The following ANK3 variants were observed in gnomAD, a reference collection of about 807,000 sequenced individuals.
The protein encoded by ANK3 is ankyrin 3.
In ANK3, 57 loss-of-function variants were observed where a neutral mutation model predicts 370.9. That is an observed-to-expected ratio of 0.15 (90% CI 0.12 to 0.19). The LOEUF is 0.19. Ranked by LOEUF, ANK3 falls within the 10% of genes least tolerant of loss-of-function variation. ANK3 has a pLI of 1.00. For missense variants in ANK3, 4,439 were observed against 5,302.1 expected, an observed-to-expected ratio of 0.84 and a Z score of 5.06; for synonymous variants, 1,929 against 1,946.3, an observed-to-expected ratio of 0.99 and a Z score of 0.23.
intron 2 of ANK3, among the ~76,000 whole-genome samples, chr10:60,449,990 A>AGAAG (rs763128028): frequency 9.5e-3 from 100 of 10,544 alleles, no homozygotes; most frequent in Non-Finnish European, 2.0e-3. Flanking sequence ...AGAGGAAAAG[A>AGAAG]GAAAAGAGAG....
chr10:60,102,158 G>A (rs1322512472), intron 28 of ANK3, among the ~76,000 whole-genome samples: 1 of 149,150 alleles, frequency 6.7e-6, no homozygotes, highest in East Asian at 2.0e-4. Flanking sequence ...CAACCTTGTA[G>A]GTACACAGGT....
chr10:60,161,445 T>C (rs1483970656), intron 23 of ANK3, among the ~76,000 whole-genome samples: 2 of 152,204 alleles, frequency 1.3e-5, no homozygotes, highest in African/African-American at 4.8e-5. Flanking sequence ...CCCTTGTTTA[T>C]TGCAGCACTA....
At chr10:60,236,074 G>C (rs746983033) in intron 7 of ANK3, among the ~76,000 whole-genome samples, 1 of 151,910 alleles carries the variant, frequency 6.6e-6, no homozygotes, top group Non-Finnish European at 1.5e-5. Flanking sequence ...AAAACATAAT[G>C]AACTTCAAGT....
chr10:60,384,663 C>T (rs1594855015), intron 1 of ANK3, among the ~76,000 whole-genome samples: 1 of 152,212 alleles, frequency 6.6e-6, no homozygotes, highest in African/African-American at 2.4e-5. Context: ...AAAATACTTT[C>T]TCTTCTCAAA....
chr10:60,064,388 T>C, intron 38 of ANK3, 100 bp from the exon 39 acceptor site: 2 of 1,264,022 alleles, frequency 1.6e-6, no homozygotes, highest in Non-Finnish European at 2.2e-6. Flanking sequence ...AAGGGAATTT[T>C]ATAGTCAAGC....
chr10:60,470,980 C>A (rs887825831), intron 2 of ANK3, among the ~76,000 whole-genome samples: 1 of 152,038 alleles, frequency 6.6e-6, no homozygotes, highest in Non-Finnish European at 1.5e-5. Context: ...TGTCTTTTAT[C>A]TCCCCTGGTG....
chr10:60,680,323 GC>G (rs1384714896), intron 1 of ANK3, among the ~76,000 whole-genome samples: 2 of 152,204 alleles, frequency 1.3e-5, no homozygotes, highest in Non-Finnish European at 2.9e-5. Flanking sequence ...TAATGGGTAT[GC>G]CTTGAGGCCA....
chr10:60,636,680 A>C (rs1588952234), intron 1 of ANK3, among the ~76,000 whole-genome samples: 3 of 152,324 alleles, frequency 2.0e-5, no homozygotes, highest in Admixed American at 2.0e-4. Context: ...TACTGCTTAG[A>C]TGACAAGAAA....
At chr10:60,434,043 T>TCATAAAAGTGGACAAA (rs1402608744) in intron 2 of ANK3, among the ~76,000 whole-genome samples, 3 of 152,204 alleles carry the variant, frequency 2.0e-5, no homozygotes, top group Non-Finnish European at 4.4e-5. Context: ...GTCAACTGTG[T>TCATAAAAGTGGACAAA]CATAAAAGTG....
chr10:60,513,709 T>C (rs1455882058), intron 2 of ANK3, among the ~76,000 whole-genome samples: 2 of 152,264 alleles, frequency 1.3e-5, no homozygotes, highest in Non-Finnish European at 2.9e-5. Flanking sequence ...CTTTTTAATA[T>C]CTTTTAAAGT....
chr10:60,416,547 T>C (rs1796968806), intron 2 of ANK3, among the ~76,000 whole-genome samples: 1 of 152,068 alleles, frequency 6.6e-6, no homozygotes, highest in Non-Finnish European at 1.5e-5. Context: ...GCTTGGTGAG[T>C]TGTGGGGAGG....
chr10:60,404,899 A>G (rs906117113), intron 2 of ANK3, among the ~76,000 whole-genome samples: 1 of 152,222 alleles, frequency 6.6e-6, no homozygotes, highest in Admixed American at 6.5e-5. Context: ...AAAAATGAAC[A>G]TAAGACTTTA....
chr10:60,498,290 G>A (rs1438197403), intron 2 of ANK3, among the ~76,000 whole-genome samples: 19 of 152,194 alleles, frequency 1.2e-4, no homozygotes, highest in Admixed American at 1.2e-3. Flanking sequence ...TTTGTGATAT[G>A]CAGTTCAGTA....
chr10:60,232,928 C>T (rs979917905), intron 8 of ANK3, among the ~76,000 whole-genome samples: 1 of 152,042 alleles, frequency 6.6e-6, no homozygotes, highest in Admixed American at 6.6e-5. Flanking sequence ...GGTTACCAGG[C>T]CAGTTTTAGG....
chr10:60,329,208 G>T (rs770129434), intron 1 of ANK3, among the ~76,000 whole-genome samples: 1 of 152,002 alleles, frequency 6.6e-6, no homozygotes, highest in Non-Finnish European at 1.5e-5. Flanking sequence ...GAAGTATTCC[G>T]CTTGAAAACC....
In ANK3 at chr10:60,072,925, A is replaced by G. The variant is rs763979145; in HGVS notation, c.7956T>C (p.His2652=). 7.4e-6 allele frequency: 12 copies of G among 1,614,074 alleles called. No homozygotes were observed. Among genetic ancestry groups the G allele is most frequent in the Non-Finnish European group, 2.5e-6 (3 of 1,180,010 alleles). ...SNDEWVKARQ[H]GPDGQGFPKA... ...TGGGGAAGCCTTGTCCATCAGGGCC[A>G]TGCTGTCTTGCCTTAACCCACTCAT... The change falls in exon 37 of 44, where the codon CAT becomes CAC. Residue 2652 remains histidine, a synonymous_variant. Transcript: ENST00000280772.
At chr10:60,247,230 G>T (rs2097569644) in intron 7 of ANK3, among the ~76,000 whole-genome samples, 1 of 152,018 alleles carries the variant, frequency 6.6e-6, no homozygotes, top group African/African-American at 2.4e-5. Flanking sequence ...TGTTAACCAG[G>T]ATGGTCTCGA....
At chr10:60,287,383 T>C (rs898330) in intron 1 of ANK3, among the ~76,000 whole-genome samples, 27,333 of 152,046 alleles carry the variant, frequency 0.18, 2,588 homozygotes, top group African/African-American at 0.21. Context: ...CTGTATAATG[T>C]CCAGATCATT....
At chr10:60,482,214 CAAT>C (rs1326443199) in intron 2 of ANK3, among the ~76,000 whole-genome samples, 1 of 152,162 alleles carries the variant, frequency 6.6e-6, no homozygotes, top group African/African-American at 2.4e-5. Context: ...ACCTGCCCAA[CAAT>C]AATCACAGGG....
Sources: gnomAD v4.1 joint callset for allele counts (sites outside exome capture counted in the v4.1 genomes callset) on GRCh38, gnomAD v4.1.1 for gene constraint, MANE v1.5 for transcripts, NCBI Gene and HGNC (gene_info 2026-07-23, HGNC 2026-07-21) for gene names.